Variants in TM9SF3 observed in about 807,000 individuals in gnomAD.
The protein encoded by TM9SF3 is transmembrane 9 superfamily member 3, also known as SM-11044-binding protein.
Under a neutral mutation model 78.6 loss-of-function variants are expected in TM9SF3, and 14 were observed. The observed-to-expected ratio is 0.18, with a 90% CI of 0.12 to 0.28. The LOEUF (loss-of-function observed/expected upper bound fraction) is 0.28, where lower values mean the gene tolerates loss of function less well. Among genes scored for constraint, TM9SF3 ranks in the 10% least tolerant of loss-of-function variants. The pLI is 1.00. For synonymous variants in TM9SF3, 231 were observed against 241.7 expected, an observed-to-expected ratio of 0.96 and a Z score of 0.41; for missense variants, 496 against 721.9, an observed-to-expected ratio of 0.69 and a Z score of 3.59.
At chr10:96,526,468 T>G (rs948335984) in intron 14 of TM9SF3, among the ~76,000 whole-genome samples, 7 of 152,192 alleles carry the variant, frequency 4.6e-5, no homozygotes, top group Non-Finnish European at 8.8e-5. Context: ...TGCTTATGCC[T>G]TTCCCATTTA....
intron 1 of TM9SF3, among the ~76,000 whole-genome samples, chr10:96,578,034 G>A (rs1301848175): frequency 6.6e-6 from 1 of 152,104 alleles, no homozygotes; most frequent in Non-Finnish European, 1.5e-5. Context: ...TCTCAGCCAT[G>A]GAGACTCAAA....
intron 2 of TM9SF3, among the ~76,000 whole-genome samples, chr10:96,574,751 G>C (rs1195208965): frequency 6.6e-6 from 1 of 152,150 alleles, no homozygotes. Context: ...CCACAGAAAA[G>C]GATGAGTTAA....
At chr10:96,542,990 G>A (rs974247573) in intron 9 of TM9SF3, among the ~76,000 whole-genome samples, 3 of 152,118 alleles carry the variant, frequency 2.0e-5, no homozygotes, top group African/African-American at 7.2e-5. Context: ...AGATATTGTG[G>A]GCTCTAATGG....
intron 11 of TM9SF3, among the ~76,000 whole-genome samples, chr10:96,529,965 A>C (rs1159781517): frequency 6.6e-6 from 1 of 152,220 alleles, no homozygotes; most frequent in Non-Finnish European, 1.5e-5. Flanking sequence ...ATCAGGGGGC[A>C]CGGGGACATA....
intron 2 of TM9SF3, among the ~76,000 whole-genome samples, chr10:96,572,717 A>G (rs1398345453): frequency 1.3e-5 from 2 of 151,412 alleles, no homozygotes; most frequent in Non-Finnish European, 2.9e-5. Context: ...TTTAGTAGAG[A>G]TGGGGTTTCA....
At chr10:96,533,890 T>C (rs1847924597) in intron 9 of TM9SF3, among the ~76,000 whole-genome samples, 1 of 152,226 alleles carries the variant, frequency 6.6e-6, no homozygotes, top group South Asian at 2.1e-4. Flanking sequence ...GAAACATTTA[T>C]TTTTGTGACT....
At chr10:96,540,718 A>G (rs1299422090) in intron 9 of TM9SF3, among the ~76,000 whole-genome samples, 1 of 149,224 alleles carries the variant, frequency 6.7e-6, no homozygotes, top group Non-Finnish European at 1.5e-5. Context: ...GTTTGTGAAC[A>G]GCTCACCTTA....
At chr10:96,563,780 C>T (rs1848337691) in intron 3 of TM9SF3, among the ~76,000 whole-genome samples, 1 of 151,550 alleles carries the variant, frequency 6.6e-6, no homozygotes, top group South Asian at 2.1e-4. Context: ...CTCTAAAAGG[C>T]GTTAAAAGAC....
At chr10:96,549,788 G>A (rs1402209583) in intron 7 of TM9SF3, among the ~76,000 whole-genome samples, 1 of 138,640 alleles carries the variant, frequency 7.2e-6, no homozygotes, top group East Asian at 2.3e-4. Context: ...AAAAGTTGAA[G>A]GTCTTTAAGT....
At chr10:96,569,555 G>A (rs1326095049) in intron 2 of TM9SF3, among the ~76,000 whole-genome samples, 1 of 152,130 alleles carries the variant, frequency 6.6e-6, no homozygotes. Context: ...TTTTCTAAAC[G>A]ACAATTTGGC....
At chr10:96,524,586 A>C (rs1361759706) in intron 14 of TM9SF3, among the ~76,000 whole-genome samples, 2 of 151,920 alleles carry the variant, frequency 1.3e-5, no homozygotes, top group African/African-American at 4.8e-5. Context: ...CAAGGGCATG[A>C]CTTTATAAAA....
intron 4 of TM9SF3, chr10:96,560,300 A>C: frequency 1.3e-6 from 1 of 752,188 alleles, no homozygotes; most frequent in Non-Finnish European, 2.4e-6. Context: ...GATGAAAATG[A>C]GCACCAATTA....
chr10:96,563,830 G>A (rs1053075062), intron 3 of TM9SF3, among the ~76,000 whole-genome samples: 1 of 146,668 alleles, frequency 6.8e-6, no homozygotes, highest in Non-Finnish European at 1.5e-5. Flanking sequence ...GTACAAAGTT[G>A]TTTTTTTTTT....
chr10:96,545,035 T>TG (rs1491450606), intron 8 of TM9SF3, among the ~76,000 whole-genome samples: 3 of 152,142 alleles, frequency 2.0e-5, no homozygotes, highest in Non-Finnish European at 2.9e-5. Context: ...TCTGTACCTC[T>TG]GTGTATTGCC....
intron 9 of TM9SF3, among the ~76,000 whole-genome samples, chr10:96,537,810 G>GA (rs1221958802): frequency 6.6e-6 from 1 of 152,184 alleles, no homozygotes; most frequent in Non-Finnish European, 1.5e-5. Context: ...AGAATAATAT[G>GA]AAATACTGGA....
intron 1 of TM9SF3, among the ~76,000 whole-genome samples, chr10:96,583,939 C>G (rs1848601934): frequency 6.6e-6 from 1 of 152,084 alleles, no homozygotes; most frequent in Non-Finnish European, 1.5e-5. Context: ...GAGGCTGAGG[C>G]AGGAGAATTG....
intron 11 of TM9SF3, among the ~76,000 whole-genome samples, chr10:96,529,226 A>AT (rs2134130278): frequency 6.6e-6 from 1 of 152,298 alleles, no homozygotes; most frequent in East Asian, 1.9e-4. Flanking sequence ...CTAAGGTACT[A>AT]ATGCCCATAG....
Position 96,522,113 on chromosome 10 carries a change from T to C in TM9SF3, c.*150A>G, listed in dbSNP as rs559724956. 142 of 644,782 alleles carry C rather than the reference T, an allele frequency of 2.2e-4. 1 individual carries two copies. Among genetic ancestry groups the C allele is most frequent in the South Asian group, 2.1e-3 (112 of 52,236 alleles). The allele number at this position is 644,782 out of a possible 1,614,324, so 39.9% of individuals were successfully genotyped here. Reference sequence around the variant, plus strand: ...AGAACCTAGGATCAATGGAAATAGATGTTACTTTAAGCCACCGACGAAAGA... The same window carrying C: ...AGAACCTAGGATCAATGGAAATAGACGTTACTTTAAGCCACCGACGAAAGA... On this transcript the variant is annotated 3_prime_UTR_variant, in exon 15 of 15. Transcript: ENST00000371142.
At chr10:96,560,833 A>T in intron 4 of TM9SF3, 1 of 539,832 alleles carries the variant, frequency 1.9e-6, no homozygotes, top group Non-Finnish European at 3.6e-6. Flanking sequence ...TCCTTCAAAA[A>T]CAGGAAAAAA....
Sources: allele counts gnomAD v4.1 joint callset (sites outside exome capture counted in the v4.1 genomes callset), GRCh38; gene constraint gnomAD v4.1.1; transcripts MANE v1.5; gene names NCBI Gene and HGNC (gene_info 2026-07-23, HGNC 2026-07-21).